The following BRD10 variants were observed in gnomAD, a reference collection of about 807,000 sequenced individuals.
BRD10 encodes bromodomain containing 10.
chr9:5,959,997 C>G, the BRD10 span, among the ~76,000 whole-genome samples: 199 of 152,288 alleles, frequency 1.3e-3, no homozygotes, highest in Middle Eastern at 3.4e-3. Flanking sequence ...TATGCTTTTG[C>G]TCGTGTTATT....
At chr9:5,956,832 ATACTG>A in the BRD10 span, among the ~76,000 whole-genome samples, 3 of 152,132 alleles carry the variant, frequency 2.0e-5, no homozygotes. Flanking sequence ...CATCCTTACT[ATACTG>A]TAAATTATTG....
At chr9:5,919,543 AACACACACACACACACACACACACAC>A in the BRD10 span, 8 of 396,886 alleles carry the variant, frequency 2.0e-5, no homozygotes, top group African/African-American at 7.3e-5. Flanking sequence ...GATACATTAA[AACACACACACACACACACACACACAC>A]ACACACACAC....
At chr9:5,897,639 TAC>T in the BRD10 span, 1 of 1,613,982 alleles carries the variant, frequency 6.2e-7, no homozygotes, top group Non-Finnish European at 8.5e-7. Context: ...ACGAAATGGA[TAC>T]AGAGCCTTGA....
chr9:5,936,540 ATT>A, the BRD10 span, among the ~76,000 whole-genome samples: 5 of 151,966 alleles, frequency 3.3e-5, no homozygotes, highest in Non-Finnish European at 7.4e-5. Context: ...TGTGCTCTCT[ATT>A]TAGGCTCCTT....
chr9:5,931,435 A>C, the BRD10 span, among the ~76,000 whole-genome samples: 1 of 152,266 alleles, frequency 6.6e-6, no homozygotes, highest in Non-Finnish European at 1.5e-5. Context: ...TACTAATCTT[A>C]GAAATTTAAT....
the BRD10 span, among the ~76,000 whole-genome samples, chr9:5,949,700 A>C: frequency 3.9e-5 from 6 of 152,180 alleles, no homozygotes; most frequent in African/African-American, 1.4e-4. Context: ...AAGGCTGTTA[A>C]ATTATTTTTA....
At chr9:5,957,203 C>T in the BRD10 span, among the ~76,000 whole-genome samples, 10 of 152,074 alleles carry the variant, frequency 6.6e-5, no homozygotes, top group Admixed American at 3.3e-4. Context: ...ATATAACCCT[C>T]CCAGGTAGGT....
chr9:5,920,269 A>C, the BRD10 span: 1 of 1,614,014 alleles, frequency 6.2e-7, no homozygotes, highest in African/African-American at 1.3e-5. Context: ...TAAGGAGAAC[A>C]TGGCTGCCAG....
At chr9:5,903,478 T>A in the BRD10 span, among the ~76,000 whole-genome samples, 1 of 152,222 alleles carries the variant, frequency 6.6e-6, no homozygotes, top group South Asian at 2.1e-4. Context: ...TTTCTTTTCT[T>A]GTAATATCTT....
chr9:5,934,331 T>C, the BRD10 span, among the ~76,000 whole-genome samples: 1 of 151,696 alleles, frequency 6.6e-6, no homozygotes, highest in African/African-American at 2.4e-5. Context: ...GTAGAGAAGG[T>C]ATTAAATATC....
chr9:5,951,076 ACC>A, the BRD10 span, among the ~76,000 whole-genome samples: 744 of 127,418 alleles, frequency 5.8e-3, 5 homozygotes, highest in African/African-American at 0.019. Context: ...ACACACACAC[ACC>A]CCCACCCCAC....
At chr9:5,879,064 T>TG in the BRD10 span, among the ~76,000 whole-genome samples, 2 of 152,208 alleles carry the variant, frequency 1.3e-5, no homozygotes, top group Admixed American at 6.5e-5. Context: ...CCAGGGTTGT[T>TG]CTGACGCCTC....
the BRD10 span, chr9:5,909,276 G>A: frequency 6.6e-6 from 1 of 151,214 alleles, no homozygotes; most frequent in African/African-American, 2.4e-5. Context: ...CTTTTTTTTT[G>A]AGATGGAGTT....
At chr9:5,922,868 G>T in the BRD10 span, 4 of 1,613,924 alleles carry the variant, frequency 2.5e-6, no homozygotes, top group Admixed American at 3.3e-5. Context: ...GCTTGCTTCC[G>T]GAGGAGATAA....
At chr9:5,922,876 T>C in the BRD10 span, 1 of 1,613,978 alleles carries the variant, frequency 6.2e-7, no homozygotes, top group Non-Finnish European at 8.5e-7. Context: ...CCGGAGGAGA[T>C]AAAACTGGTT....
chr9:5,913,586 T>G, the BRD10 span, among the ~76,000 whole-genome samples: 2 of 152,174 alleles, frequency 1.3e-5, no homozygotes, highest in Admixed American at 6.5e-5. Context: ...ATAAAGAGGT[T>G]GTAAAAGAGA....
At chr9:5,880,194 C>T in the BRD10 span, among the ~76,000 whole-genome samples, 1 of 151,234 alleles carries the variant, frequency 6.6e-6, no homozygotes. Context: ...GCTGGGATTA[C>T]AGGTGTGAGC....
chr9:5,921,642 T>C, the BRD10 span: 11 of 1,613,858 alleles, frequency 6.8e-6, no homozygotes, highest in East Asian at 2.2e-5. Context: ...TCTGACCTTG[T>C]AACAGGGTAA....
the BRD10 span, among the ~76,000 whole-genome samples, chr9:5,893,571 C>G: frequency 6.6e-6 from 1 of 152,142 alleles, no homozygotes; most frequent in Non-Finnish European, 1.5e-5. Context: ...GGTATCTTCT[C>G]AGAAAATGTC....
Sources: gnomAD v4.1 joint callset for allele counts (sites outside exome capture counted in the v4.1 genomes callset) on GRCh38, gnomAD v4.1.1 for gene constraint, MANE v1.5 for transcripts, NCBI Gene and HGNC (gene_info 2026-07-23, HGNC 2026-07-21) for gene names.